The following MYOT variants were observed in gnomAD, a reference collection of about 807,000 sequenced individuals.
MYOT encodes the protein 57 kDa cytoskeletal protein.
MYOT carries 36 observed loss-of-function variants against 58.0 expected under a neutral mutation model. The observed-to-expected ratio is 0.62, with a 90% CI of 0.48 to 0.82. MYOT has a LOEUF of 0.82. MYOT is among the 40% of genes least tolerant of loss of function. The pLI is 0.00. For missense variants in MYOT, 505 were observed against 592.1 expected (o/e 0.85, Z 1.53); for synonymous variants, 218 against 204.6 (o/e 1.07, Z -0.56).
At chr5:137,879,807 A>T (rs1755365094) in intron 4 of MYOT, among the ~76,000 whole-genome samples, 1 of 150,480 alleles carries the variant, frequency 6.6e-6, no homozygotes, top group Non-Finnish European at 1.5e-5. Flanking sequence ...AAGTGCTAGG[A>T]TTACAGGCGT....
At chr5:137,876,127 A>G (rs1369801605) in intron 3 of MYOT, 124 bp downstream of exon 3, 5 of 1,060,774 alleles carry the variant, frequency 4.7e-6, no homozygotes, top group Non-Finnish European at 6.9e-6. Context: ...TCTAAAAAGA[A>G]GGAATATTTG....
chr5:137,871,081 G>C (rs953512689), intron 2 of MYOT, 74 bp downstream of exon 2: 14 of 1,249,732 alleles, frequency 1.1e-5, no homozygotes, highest in Admixed American at 5.9e-5. Context: ...AGGAGTTTTG[G>C]GGGTATGCTG....
intron 1 of MYOT, among the ~76,000 whole-genome samples, chr5:137,868,592 T>G (rs1285467191): frequency 1.3e-5 from 2 of 152,172 alleles, no homozygotes; most frequent in African/African-American, 4.8e-5. Context: ...AATATCAACA[T>G]GTACAAGACA....
chr5:137,885,771 CAAAAAAAA>C (rs71583286), intron 7 of MYOT, among the ~76,000 whole-genome samples: 7 of 30,974 alleles, frequency 2.3e-4, no homozygotes, highest in African/African-American at 3.1e-4. Flanking sequence ...GACTCTGTCT[CAAAAAAAA>C]AAAAAAAAAA....
In MYOT at chr5:137,886,982, A is replaced by G; in HGVS notation, c.1309A>G (p.Arg437Gly). ...NEAGVTTCNT[R>G]LDVTARPNQT... ...AGCTGGAGTGACTACATGTAACACAAGATTAGACGTTACGGGTATGTCATA... is the reference window on the plus strand; with the variant it reads ...AGCTGGAGTGACTACATGTAACACAGGATTAGACGTTACGGGTATGTCATA... The change falls in exon 9 of 10, where the codon AGA becomes GGA. Residue 437 changes from arginine to glycine, a missense_variant. Arg to Gly is a moderately radical substitution (Grantham distance 125). Transcript: ENST00000239926. The G allele has an allele frequency of 6.2e-7, 1 of 1,613,594 alleles. No homozygotes were observed. Among genetic ancestry groups the G allele is most frequent in the Non-Finnish European group, 8.5e-7 (1 of 1,179,480 alleles).
At chr5:137,884,151 C>T (rs1755522633) in intron 7 of MYOT, among the ~76,000 whole-genome samples, 1 of 152,126 alleles carries the variant, frequency 6.6e-6, no homozygotes, top group African/African-American at 2.4e-5. Context: ...GAGTTTGAGA[C>T]CAGCCAGGGT....
chr5:137,874,492 A>G (rs1161491923), intron 2 of MYOT, among the ~76,000 whole-genome samples: 2 of 152,174 alleles, frequency 1.3e-5, no homozygotes, highest in Non-Finnish European at 2.9e-5. Flanking sequence ...AATTAAAAAT[A>G]AAGATTAGCC....
intron 1 of MYOT, among the ~76,000 whole-genome samples, 196 bp from the exon 2 acceptor site, chr5:137,870,245 G>A (rs1425508813): frequency 6.7e-6 from 1 of 150,100 alleles, no homozygotes; most frequent in Non-Finnish European, 1.5e-5. Flanking sequence ...CCCAGGAGTT[G>A]GAGGGGCTAC....
intron 6 of MYOT, chr5:137,882,901 T>C (rs1411273969): frequency 1.3e-5 from 2 of 159,088 alleles, no homozygotes; most frequent in African/African-American, 4.8e-5. Flanking sequence ...AGCTTTGGAT[T>C]CCACTGTTAA....
intron 2 of MYOT, among the ~76,000 whole-genome samples, chr5:137,874,383 C>T (rs1335045338): frequency 6.6e-6 from 1 of 152,118 alleles, no homozygotes; most frequent in Non-Finnish European, 1.5e-5. Flanking sequence ...AGGAGAATCA[C>T]CTGAACCCGG....
Position 137,887,329 on chromosome 5 carries a change from G to T in MYOT, c.1441G>T (p.Gly481Ter). The T allele has an allele frequency of 6.2e-7, 1 of 1,614,020 alleles. No homozygotes were observed. Among genetic ancestry groups the T allele is most frequent in the South Asian group, 1.1e-5 (1 of 91,078 alleles). Residue 481 changes from glycine to a stop codon, truncating the protein, a stop_gained, in exon 10 of 10, where the codon GGA (glycine) becomes TGA (stop). Transcript: ENST00000239926. LOFTEE classifies it high-confidence loss of function. ...LNVKQAFNPE[G>*]EFQRLAAQSG... ...TGTAAAACAAGCTTTTAACCCAGAAGGAGAATTTCAGCGTTTGGCAGCTCA... is the reference window on the plus strand; with the variant it reads ...TGTAAAACAAGCTTTTAACCCAGAATGAGAATTTCAGCGTTTGGCAGCTCA...
chr5:137,886,239 T>A (rs778482339), intron 8 of MYOT, 26 bp downstream of exon 8: 1 of 1,563,360 alleles, frequency 6.4e-7, no homozygotes, highest in South Asian at 1.1e-5. Context: ...CTAGACTTAC[T>A]ATAGTTTATT....
chr5:137,884,502 C>A (rs1380692117), intron 7 of MYOT, among the ~76,000 whole-genome samples: 2 of 152,128 alleles, frequency 1.3e-5, no homozygotes, highest in Non-Finnish European at 2.9e-5. Context: ...TCAAATCTGT[C>A]TTAAGTAGAG....
intron 7 of MYOT, among the ~76,000 whole-genome samples, chr5:137,884,385 T>C (rs1423568787): frequency 5.9e-5 from 9 of 152,060 alleles, no homozygotes; most frequent in Non-Finnish European, 1.0e-4. Context: ...AGAGTAAATA[T>C]CAACTTTTAG....
intron 9 of MYOT, 94 bp downstream of exon 9, chr5:137,887,091 A>G: frequency 1.3e-6 from 2 of 1,551,064 alleles, no homozygotes; most frequent in African/African-American, 1.4e-5. Flanking sequence ...AATTTGAGAT[A>G]TTTTCCCCAT....
intron 2 of MYOT, among the ~76,000 whole-genome samples, chr5:137,872,132 A>G (rs1429276056): frequency 6.6e-6 from 1 of 152,228 alleles, no homozygotes; most frequent in African/African-American, 2.4e-5. Context: ...TCCTATAGAT[A>G]TTAAGTTGAA....
At chr5:137,884,959 C>G (rs2149988995) in intron 7 of MYOT, among the ~76,000 whole-genome samples, 1 of 152,212 alleles carries the variant, frequency 6.6e-6, no homozygotes, top group Admixed American at 6.5e-5. Flanking sequence ...ACCAAAGGGC[C>G]TCAATCTCAG....
chr5:137,870,718 C>T lies in MYOT; in HGVS notation c.67C>T (p.Pro23Ser), dbSNP rs751876756. Residue 23 changes from proline to serine, a missense_variant, in exon 2 of 10, where the codon CCT becomes TCT. By Grantham distance (74) the Pro-to-Ser change is moderately conservative. Coordinates refer to ENST00000239926, the MANE Select transcript of MYOT (RefSeq NM_006790.3). ...AAACCCATGTGGCTCCAGATTGCAGCCTCCTGGACCAGAAACCTCCAGCTT... is the reference window on the plus strand; with the variant it reads ...AAACCCATGTGGCTCCAGATTGCAGTCTCCTGGACCAGAAACCTCCAGCTT... ...SQNPCGSRLQPPGPETSSFSS... is the reference protein window; with the variant it reads ...SQNPCGSRLQSPGPETSSFSS... 1.9e-6 allele frequency: 3 copies of T among 1,614,254 alleles called. No individual in the cohort carries two copies. Among genetic ancestry groups the T allele is most frequent in the Admixed American group, 1.7e-5 (1 of 60,030 alleles).
chr5:137,879,618 G>A (rs1040640120), intron 4 of MYOT, among the ~76,000 whole-genome samples: 2 of 140,740 alleles, frequency 1.4e-5, no homozygotes, highest in African/African-American at 2.7e-5. Context: ...TCCGCCTCCC[G>A]GGTCCATGCC....
Sources: gnomAD v4.1 joint callset for allele counts (sites outside exome capture counted in the v4.1 genomes callset) on GRCh38, gnomAD v4.1.1 for gene constraint, MANE v1.5 for transcripts, NCBI Gene and HGNC (gene_info 2026-07-23, HGNC 2026-07-21) for gene names.